DLGAP1: variants seen among roughly 807,000 people sequenced by gnomAD.
DLGAP1 encodes the protein disks large-associated protein 1.
In DLGAP1, 11 loss-of-function variants were observed where a neutral mutation model predicts 90.8. The observed-to-expected ratio is 0.12, with a 90% CI of 0.08 to 0.20. DLGAP1 has a LOEUF of 0.20. Ranked by LOEUF, DLGAP1 falls within the 10% of genes least tolerant of loss-of-function variation. The pLI, the probability that DLGAP1 is intolerant of heterozygous loss-of-function variation, is 1.00. For missense variants in DLGAP1, 1,050 were observed against 1,333.8 expected (o/e 0.79, Z 3.31); for synonymous variants, 558 against 540.7 (o/e 1.03, Z -0.44).
At chr18:3,656,147 T>A in intron 7 of DLGAP1, 1 of 1,537,622 alleles carries the variant, frequency 6.5e-7, no homozygotes, top group Non-Finnish European at 8.8e-7. Context: ...AGTTATATAA[T>A]GGACCCAAAT....
chr18:3,580,687 T>G (rs1361551803), intron 8 of DLGAP1: 1 of 1,612,480 alleles, frequency 6.2e-7, no homozygotes, highest in Non-Finnish European at 8.5e-7. Flanking sequence ...AGGACGACGG[T>G]GGCCACAATG....
chr18:4,284,620 G>A (rs928373668), intron 1 of DLGAP1, among the ~76,000 whole-genome samples: 1 of 152,128 alleles, frequency 6.6e-6, no homozygotes, highest in African/African-American at 2.4e-5. Flanking sequence ...TTAGTCACTA[G>A]GAACTGATGT....
chr18:3,795,638 G>C (rs1383590347), intron 5 of DLGAP1, among the ~76,000 whole-genome samples: 1 of 151,930 alleles, frequency 6.6e-6, no homozygotes, highest in East Asian at 1.9e-4. Context: ...AAATTTACTT[G>C]TATTATTTAT....
chr18:4,119,477 T>C (rs1327145811), intron 2 of DLGAP1, among the ~76,000 whole-genome samples: 2 of 152,186 alleles, frequency 1.3e-5, no homozygotes, highest in Non-Finnish European at 2.9e-5. Flanking sequence ...CTCAGATCGA[T>C]CTGCATTTGA....
Position 3,499,572 on chromosome 18 carries a change from A to AG in DLGAP1, c.2725-179dup, listed in dbSNP as rs913353410. Among the ~76,000 whole-genome samples, 1 of 143,840 alleles carries AG rather than the reference A, an allele frequency of 7.0e-6. No homozygotes were observed. The highest frequency in any genetic ancestry group is 2.7e-5 in the African/African-American group (1 of 36,746). 94.4% of individuals were successfully genotyped at this position (143,840 alleles called of 152,430 possible). On this transcript the variant is annotated intron_variant, in intron 12 of 12. Coordinates refer to ENST00000315677, the MANE Select transcript of DLGAP1 (RefSeq NM_004746.4). The surrounding 1 kb of genome is among the most constrained non-coding windows in gnomAD (Gnocchi z 6.4). Reference sequence around the variant, plus strand: ...TCTGGCTTGGGCATTCAAAAGATGCAGAAAAAAAAAAATCCCGGTAAGCTT... The same window carrying AG: ...TCTGGCTTGGGCATTCAAAAGATGCAGGAAAAAAAAAAATCCCGGTAAGCTT...
intron 7 of DLGAP1, among the ~76,000 whole-genome samples, chr18:3,586,048 G>A (rs1164505710): frequency 6.6e-6 from 1 of 152,140 alleles, no homozygotes; most frequent in African/African-American, 2.4e-5. Context: ...TATCGATAGG[G>A]ATAACTCTGG....
Position 3,581,883 on chromosome 18 carries a change from C to T in DLGAP1, c.1957G>A (p.Gly653Arg). The T allele has an allele frequency of 6.8e-6, 11 of 1,614,006 alleles. No individual in the cohort carries two copies. Among genetic ancestry groups the T allele is most frequent in the Non-Finnish European group, 8.5e-6 (10 of 1,179,932 alleles). Residue 653 changes from glycine to arginine, a missense_variant, in exon 8 of 13, where the codon GGG becomes AGG. By Grantham distance (125) the Gly-to-Arg change is moderately radical. Coordinates refer to ENST00000315677, the MANE Select transcript of DLGAP1 (RefSeq NM_004746.4). ...GAAAGGGAGGCTGTTACCTGTATCC[C>T]GATAGACAGGCATCGATTTTTCTTA... ...HFKKNRCLSI[G>R]IQVDDAEEPD...
intron 1 of DLGAP1, among the ~76,000 whole-genome samples, chr18:4,267,842 A>G (rs1389243740): frequency 6.6e-6 from 1 of 152,212 alleles, no homozygotes; most frequent in Non-Finnish European, 1.5e-5. Context: ...AGGGCCACTC[A>G]CAACATGGCA....
chr18:3,851,279 G>A (rs1198153385), intron 4 of DLGAP1, among the ~76,000 whole-genome samples: 1 of 152,110 alleles, frequency 6.6e-6, no homozygotes, highest in South Asian at 2.1e-4. Flanking sequence ...ATCTCATTAG[G>A]GCCAGGAAAA....
chr18:4,401,746 C>G (rs1238899352), intron 1 of DLGAP1, among the ~76,000 whole-genome samples: 1 of 152,100 alleles, frequency 6.6e-6, no homozygotes, highest in Non-Finnish European at 1.5e-5. Flanking sequence ...ATTTTTTAAA[C>G]TTGGTATTAC....
chr18:4,281,603 T>G (rs1182490058), intron 1 of DLGAP1, among the ~76,000 whole-genome samples: 4 of 152,206 alleles, frequency 2.6e-5, no homozygotes, highest in Non-Finnish European at 5.9e-5. Context: ...TGGTTATGTC[T>G]GCAATAATTC....
chr18:3,939,416 C>CAAAAAAAAAAAAAAAA (rs10591716), intron 3 of DLGAP1, among the ~76,000 whole-genome samples: 1 of 82,136 alleles, frequency 1.2e-5, no homozygotes, highest in African/African-American at 4.9e-5. Context: ...GATTCTGTCT[C>CAAAAAAAAAAAAAAAA]AAAAAAAAAA....
intron 1 of DLGAP1, among the ~76,000 whole-genome samples, chr18:4,311,975 C>T (rs1178900505): frequency 6.6e-6 from 1 of 152,162 alleles, no homozygotes; most frequent in Non-Finnish European, 1.5e-5. Flanking sequence ...CTTGGCCTCC[C>T]AAAGTGCTGG....
intron 1 of DLGAP1, among the ~76,000 whole-genome samples, chr18:4,316,813 C>T (rs796924541): frequency 6.6e-5 from 10 of 152,286 alleles, no homozygotes; most frequent in Non-Finnish European, 1.2e-4. Flanking sequence ...TGACTGTATG[C>T]CACAATTTGG....
intron 7 of DLGAP1, among the ~76,000 whole-genome samples, chr18:3,662,603 G>A (rs1451608059): frequency 6.6e-6 from 1 of 152,180 alleles, no homozygotes; most frequent in African/African-American, 2.4e-5. Context: ...GACATAAGCT[G>A]AGAAGATTAT....
chr18:3,590,546 G>A (rs1279172265), intron 7 of DLGAP1, among the ~76,000 whole-genome samples: 1 of 152,144 alleles, frequency 6.6e-6, no homozygotes, highest in Non-Finnish European at 1.5e-5. Flanking sequence ...AGTGCAGGGT[G>A]ACACATGCTA....
At chr18:3,874,034 A>C in intron 4 of DLGAP1, 1 of 1,494,070 alleles carries the variant, frequency 6.7e-7, no homozygotes, top group African/African-American at 1.4e-5. Flanking sequence ...CTTTCTAGCC[A>C]TTATTTAGAG....
chr18:4,420,482 T>C (rs16946705), intron 1 of DLGAP1, among the ~76,000 whole-genome samples: 2,571 of 152,276 alleles, frequency 0.017, 56 homozygotes, highest in African/African-American at 0.052. Flanking sequence ...AAGTTCCTAC[T>C]TTATCTTTCG....
intron 11 of DLGAP1, among the ~76,000 whole-genome samples, chr18:3,507,415 C>T (rs1405709339): frequency 6.6e-6 from 1 of 151,870 alleles, no homozygotes; most frequent in African/African-American, 2.4e-5. Flanking sequence ...TACTCGGAGG[C>T]TGAGGCAGGA....
Sources: allele counts gnomAD v4.1 joint callset (sites outside exome capture counted in the v4.1 genomes callset), GRCh38; gene constraint gnomAD v4.1.1; non-coding constraint Gnocchi (gnomAD v3.1); transcripts MANE v1.5; gene names NCBI Gene and HGNC (gene_info 2026-07-23, HGNC 2026-07-21).